CSGALNACT1: variants seen among roughly 807,000 people sequenced by gnomAD.
CSGALNACT1 encodes the protein beta4GalNAcT-1.
A neutral mutation model predicts 51.0 loss-of-function variants in CSGALNACT1; 52 were observed. That is an observed-to-expected ratio of 1.02 (90% CI 0.82 to 1.29). CSGALNACT1 has a LOEUF of 1.29. Ranked by LOEUF, CSGALNACT1 falls within the 50% of genes most tolerant of loss-of-function variation. The probability of loss-of-function intolerance (pLI) is 0.00; values close to 1 mark genes in which losing one functional copy is unlikely to be tolerated. For synonymous variants in CSGALNACT1, 341 were observed against 254.4 expected (o/e 1.34, Z -3.24); for missense variants, 935 against 679.2 (o/e 1.38, Z -4.19).
intron 1 of CSGALNACT1, among the ~76,000 whole-genome samples, chr8:19,607,634 G>C (rs376286680): frequency 6.6e-6 from 1 of 152,302 alleles, no homozygotes; most frequent in Middle Eastern, 3.4e-3. Flanking sequence ...TGCCATCACA[G>C]AGCCTAATGA....
At chr8:19,716,972 C>G (rs1331470955) in intron 1 of CSGALNACT1, among the ~76,000 whole-genome samples, 2 of 152,160 alleles carry the variant, frequency 1.3e-5, no homozygotes, top group Non-Finnish European at 2.9e-5. Flanking sequence ...GCTCCCCACT[C>G]AGTTGTTGCA....
At chr8:19,731,496 A>C (rs2063692313) in intron 1 of CSGALNACT1, among the ~76,000 whole-genome samples, 1 of 152,046 alleles carries the variant, frequency 6.6e-6, no homozygotes, top group Non-Finnish European at 1.5e-5. Flanking sequence ...CGAGAGCGAG[A>C]CTCCATCTCA....
intron 5 of CSGALNACT1, chr8:19,457,623 A>G (rs1245110794): frequency 8.0e-7 from 1 of 1,253,204 alleles, no homozygotes; most frequent in Non-Finnish European, 1.0e-6. Flanking sequence ...AAAAAAAAAG[A>G]AATAAAAAAT....
chr8:19,485,758 G>A (rs1423527915), intron 4 of CSGALNACT1, among the ~76,000 whole-genome samples: 1 of 23,444 alleles, frequency 4.3e-5, no homozygotes. Flanking sequence ...ACCTCAGCTT[G>A]CTTTTTTTTT....
At chr8:19,506,554 C>G (rs2077370257) in intron 3 of CSGALNACT1, among the ~76,000 whole-genome samples, 1 of 152,198 alleles carries the variant, frequency 6.6e-6, no homozygotes. Context: ...TTTGTCCCCT[C>G]CAAGTCTTAT....
intron 3 of CSGALNACT1, among the ~76,000 whole-genome samples, chr8:19,560,331 G>A (rs1430109824): frequency 6.6e-6 from 1 of 152,108 alleles, no homozygotes; most frequent in Non-Finnish European, 1.5e-5. Flanking sequence ...CTTGAGCTAG[G>A]AAAGGACTTC....
At chr8:19,568,356 G>A (rs547573048) in intron 3 of CSGALNACT1, among the ~76,000 whole-genome samples, 1 of 152,142 alleles carries the variant, frequency 6.6e-6, no homozygotes, top group African/African-American at 2.4e-5. Flanking sequence ...AAATAGAAAA[G>A]GCATAGGGAA....
chr8:19,533,520 G>A (rs2083182925), intron 3 of CSGALNACT1, among the ~76,000 whole-genome samples: 1 of 152,102 alleles, frequency 6.6e-6, no homozygotes, highest in Admixed American at 6.6e-5. Flanking sequence ...GGTTCATGAA[G>A]ATTTTCTTCG....
chr8:19,599,525 A>AAAG (rs1322348108), intron 2 of CSGALNACT1, among the ~76,000 whole-genome samples: 19 of 105,748 alleles, frequency 1.8e-4, no homozygotes, highest in African/African-American at 4.4e-4. Flanking sequence ...AGAAAGAAAG[A>AAAG]AAAGAAAGAA....
intron 1 of CSGALNACT1, among the ~76,000 whole-genome samples, chr8:19,707,420 C>T (rs1028901287): frequency 6.6e-6 from 1 of 152,190 alleles, no homozygotes; most frequent in Non-Finnish European, 1.5e-5. Flanking sequence ...CAGTATCAGA[C>T]ATGCAGCCAT....
chr8:19,602,364 A>AC (rs1218915449), exon 1 of CSGALNACT1: 1 of 152,554 alleles, frequency 6.6e-6, no homozygotes, highest in Non-Finnish European at 1.5e-5. Context: ...AAAAATAAAA[A>AC]ATTTCCTTTT....
At chr8:19,547,788 T>G (rs1315806764) in intron 3 of CSGALNACT1, among the ~76,000 whole-genome samples, 1 of 152,174 alleles carries the variant, frequency 6.6e-6, no homozygotes, top group East Asian at 1.9e-4. Context: ...GATCACTGAT[T>G]TGTACAATAA....
In CSGALNACT1 at chr8:19,551,145, T is replaced by C. The variant is rs550864558; in HGVS notation, c.-297+40015A>G. Among the ~76,000 whole-genome samples the C allele has an allele frequency of 5.9e-5, 9 of 152,222 alleles. No individual in the cohort carries two copies. In the East Asian group the frequency reaches 1.7e-3, roughly 29 times the overall value. ...GCAGAACAATGAAGAAAAAAACAAC[T>C]GAAGAAGAAAAGAGTATGTTACAAT... On this transcript the variant is annotated intron_variant, in intron 3 of 9. Coordinates refer to ENST00000454498, the Ensembl canonical transcript of CSGALNACT1.
chr8:19,735,236 T>A (rs951647639), intron 1 of CSGALNACT1, among the ~76,000 whole-genome samples: 2 of 152,152 alleles, frequency 1.3e-5, no homozygotes, highest in Admixed American at 6.5e-5. Flanking sequence ...ATGCCTAATA[T>A]ATATAAGGCC....
intron 4 of CSGALNACT1, among the ~76,000 whole-genome samples, chr8:19,482,563 G>A (rs755961709): frequency 1.3e-5 from 2 of 152,026 alleles, no homozygotes; most frequent in African/African-American, 2.4e-5. Flanking sequence ...ATCTAAAGCC[G>A]CTTTCTCTCC....
chr8:19,426,184 C>T (rs991193762), intron 6 of CSGALNACT1, among the ~76,000 whole-genome samples: 1 of 152,210 alleles, frequency 6.6e-6, no homozygotes, highest in Non-Finnish European at 1.5e-5. Flanking sequence ...AACACAGGCA[C>T]ATTTCAGATC....
At chr8:19,592,380 G>A (rs1388515764) in intron 2 of CSGALNACT1, among the ~76,000 whole-genome samples, 1 of 152,112 alleles carries the variant, frequency 6.6e-6, no homozygotes, top group African/African-American at 2.4e-5. Flanking sequence ...ATTCTCAAAT[G>A]GTTCAGATAA....
intron 3 of CSGALNACT1, among the ~76,000 whole-genome samples, chr8:19,568,097 A>T (rs1376871305): frequency 6.6e-6 from 1 of 152,210 alleles, no homozygotes; most frequent in African/African-American, 2.4e-5. Context: ...TTTGCAATGT[A>T]GAGATATCTT....
At chr8:19,699,710 A>G (rs2061759611) in intron 1 of CSGALNACT1, among the ~76,000 whole-genome samples, 2 of 152,254 alleles carry the variant, frequency 1.3e-5, no homozygotes, top group Non-Finnish European at 2.9e-5. Context: ...AATGGATGGC[A>G]GTGATGGTTA....
Sources: gnomAD v4.1 joint callset for allele counts (sites outside exome capture counted in the v4.1 genomes callset) on GRCh38, gnomAD v4.1.1 for gene constraint, MANE v1.5 for transcripts, NCBI Gene and HGNC (gene_info 2026-07-23, HGNC 2026-07-21) for gene names.